The following PAX5 variants were observed in gnomAD, a reference collection of about 807,000 sequenced individuals.
The protein encoded by PAX5 is paired box protein Pax-5.
In PAX5, 9 loss-of-function variants were observed where a neutral mutation model predicts 43.7. The observed-to-expected ratio is 0.21, with a 90% CI of 0.12 to 0.36. The LOEUF is 0.36. Ranked by LOEUF, PAX5 falls within the 10% of genes least tolerant of loss-of-function variation. The pLI, the probability that PAX5 is intolerant of heterozygous loss-of-function variation, is 1.00. For synonymous variants in PAX5, 228 were observed against 214.3 expected (o/e 1.06, Z -0.56); for missense variants, 383 against 532.7 (o/e 0.72, Z 2.77).
intron 5 of PAX5, among the ~76,000 whole-genome samples, chr9:36,972,479 A>G (rs1834997187): frequency 1.3e-5 from 2 of 152,178 alleles, no homozygotes; most frequent in African/African-American, 4.8e-5. Context: ...TTGTGTGCTA[A>G]GTAGTATTAA....
chr9:36,894,399 C>T (rs2131828940), intron 7 of PAX5, among the ~76,000 whole-genome samples: 1 of 152,242 alleles, frequency 6.6e-6, no homozygotes, highest in African/African-American at 2.4e-5. Context: ...AGAATAAATA[C>T]ATGAAAGCAC....
chr9:36,919,447 G>A (rs533310821), intron 7 of PAX5, among the ~76,000 whole-genome samples: 2 of 152,292 alleles, frequency 1.3e-5, no homozygotes, highest in East Asian at 3.9e-4. Context: ...AATACATTTT[G>A]TAAGGCTATA....
At chr9:37,010,922 A>G (rs1250843174) in intron 3 of PAX5, among the ~76,000 whole-genome samples, 1 of 152,098 alleles carries the variant, frequency 6.6e-6, no homozygotes, top group East Asian at 1.9e-4. Flanking sequence ...GGAGTTCGAG[A>G]CCACCCTGGG....
At chr9:36,921,927 C>A (rs1465264804) in intron 7 of PAX5, among the ~76,000 whole-genome samples, 4 of 152,124 alleles carry the variant, frequency 2.6e-5, no homozygotes, top group Non-Finnish European at 5.9e-5. Flanking sequence ...GAGGGGACCC[C>A]CTCGGACACC....
intron 7 of PAX5, among the ~76,000 whole-genome samples, chr9:36,888,889 G>A (rs1489628462): frequency 2.0e-5 from 3 of 152,188 alleles, no homozygotes; most frequent in Non-Finnish European, 4.4e-5. Context: ...AGCCTTGCAG[G>A]GAGGGGTGGA....
intron 5 of PAX5, among the ~76,000 whole-genome samples, chr9:36,981,191 C>CG (rs916650225): frequency 4.7e-5 from 7 of 149,442 alleles, no homozygotes; most frequent in African/African-American, 9.9e-5. Flanking sequence ...CAAAGCCCCC[C>CG]CCCCCTCAGC....
intron 5 of PAX5, among the ~76,000 whole-genome samples, chr9:36,994,944 C>A (rs1166404096): frequency 6.6e-6 from 1 of 152,188 alleles, no homozygotes; most frequent in African/African-American, 2.4e-5. Flanking sequence ...CGACCACACC[C>A]CAGCAGAACC....
At chr9:36,939,095 C>T (rs969442192) in intron 6 of PAX5, among the ~76,000 whole-genome samples, 3 of 152,236 alleles carry the variant, frequency 2.0e-5, no homozygotes, top group Admixed American at 6.5e-5. Context: ...CTTCCTGTGT[C>T]CCCTTCTCAG....
intron 3 of PAX5, among the ~76,000 whole-genome samples, chr9:37,012,266 A>G (rs3758175): frequency 0.52 from 78,757 of 152,080 alleles, 21,465 homozygotes; most frequent in Middle Eastern, 0.79. Context: ...TGTCACTCGC[A>G]GAGTCCTACA....
chr9:36,925,203 G>A (rs1830553436), intron 6 of PAX5, among the ~76,000 whole-genome samples: 1 of 152,150 alleles, frequency 6.6e-6, no homozygotes, highest in South Asian at 2.1e-4. Flanking sequence ...GCAGCAGCGA[G>A]TCCAGGAGGT....
Position 36,840,114 on chromosome 9 carries a change from T to G in PAX5, c.*446A>C. On this transcript the variant is annotated 3_prime_UTR_variant, in exon 10 of 10. Coordinates refer to ENST00000358127, the MANE Select transcript of PAX5 (RefSeq NM_016734.3). ...TGCACCAAGAGTGCGAGATGCATCA[T>G]GGGTGGAGCAGTCTTCTCAGTCGGA... 2.8e-6 allele frequency: 1 copy of G among 355,670 alleles called. No individual in the cohort carries two copies. The highest frequency in any genetic ancestry group is 5.2e-6 in the Non-Finnish European group (1 of 191,806). 22.0% of individuals were successfully genotyped at this position (355,670 alleles called of 1,614,324 possible). A position where few individuals can be genotyped will look rare whatever the true frequency, so the allele number is the denominator to read the frequency against.
rs942817456 is a variant in PAX5 at position 36,836,862 on chromosome 9, A to C, written c.*3698T>G. 4.3e-6 allele frequency: 1 copy of C among 232,236 alleles called. No homozygotes were observed. Among genetic ancestry groups the C allele is most frequent in the African/African-American group, 2.2e-5 (1 of 45,302 alleles). 14.4% of individuals were successfully genotyped at this position (232,236 alleles called of 1,614,324 possible). A position where few individuals can be genotyped will look rare whatever the true frequency, so the allele number is the denominator to read the frequency against. On this transcript the variant is annotated 3_prime_UTR_variant, in exon 10 of 10. Coordinates refer to ENST00000358127, the MANE Select transcript of PAX5 (RefSeq NM_016734.3). The stretch of plus-strand genomic sequence containing the variant: ...GCTGGACCCATGTCCAGGCCTGGTC[A>C]GGGATTATGGCATGGCCTTGAATTG...
Position 36,840,457 on chromosome 9 carries a change from T to C in PAX5, c.*103A>G. 8.7e-7 allele frequency: 1 copy of C among 1,143,608 alleles called. No individual in the cohort carries two copies. 70.8% of individuals were successfully genotyped at this position (1,143,608 alleles called of 1,614,324 possible). ...GGAGCTTCAGGCAAGTGGGGGATGC[T>C]GGGGGACGGTCTCATGGGCTCTCTG... is the stretch of plus-strand genomic sequence containing the variant. On this transcript the variant is annotated 3_prime_UTR_variant, in exon 10 of 10. Transcript: ENST00000358127.
chr9:37,017,127 G>A (rs1839449604), intron 2 of PAX5, among the ~76,000 whole-genome samples: 1 of 152,166 alleles, frequency 6.6e-6, no homozygotes. Flanking sequence ...AGCAATCTCT[G>A]CAGTCTCCAA....
At chr9:36,855,661 C>T (rs1823597230) in intron 8 of PAX5, among the ~76,000 whole-genome samples, 1 of 152,126 alleles carries the variant, frequency 6.6e-6, no homozygotes, top group South Asian at 2.1e-4. Flanking sequence ...GCGGTCAAGG[C>T]CCTTCAGGGG....
intron 6 of PAX5, among the ~76,000 whole-genome samples, chr9:36,963,002 C>A (rs1279595640): frequency 6.6e-6 from 1 of 152,240 alleles, no homozygotes; most frequent in Non-Finnish European, 1.5e-5. Flanking sequence ...ACATCCCTTC[C>A]CAGCCTGCGG....
chr9:36,842,766 T>TCTTC (rs1822182148), intron 9 of PAX5, among the ~76,000 whole-genome samples: 1 of 152,188 alleles, frequency 6.6e-6, no homozygotes, highest in Non-Finnish European at 1.5e-5. Flanking sequence ...AGCCGGCCTT[T>TCTTC]CTTCCTGCCG....
intron 6 of PAX5, 121 bp downstream of exon 6, chr9:36,966,428 C>G: frequency 9.5e-7 from 1 of 1,047,344 alleles, no homozygotes; most frequent in East Asian, 2.6e-5. Context: ...ACTGAAGAGA[C>G]CTCTCTGAGC....
At position 36,964,097 on chromosome 9, in the gene PAX5, G is replaced by A. The variant is rs181887056; in HGVS notation, c.780+2452C>T. Among the ~76,000 whole-genome samples, 38 of 151,666 alleles carry A rather than the reference G, an allele frequency of 2.5e-4. No homozygotes were observed. In the South Asian group the frequency reaches 5.8e-3, roughly 23 times the overall value. Reference sequence around the variant, plus strand: ...AGATCAAGACCATCCCGGCTAACACGGCGAAACCCTGCCCCTACTAAAAAA... The same window carrying A: ...AGATCAAGACCATCCCGGCTAACACAGCGAAACCCTGCCCCTACTAAAAAA... On this transcript the variant is annotated intron_variant, in intron 6 of 9. Transcript: ENST00000358127.
Sources: gnomAD v4.1 joint callset for allele counts (sites outside exome capture counted in the v4.1 genomes callset) on GRCh38, gnomAD v4.1.1 for gene constraint, MANE v1.5 for transcripts, NCBI Gene and HGNC (gene_info 2026-07-23, HGNC 2026-07-21) for gene names.